The following CASZ1 variants were observed in gnomAD, a reference collection of about 807,000 sequenced individuals.
CASZ1 encodes zinc finger protein castor homolog 1.
In CASZ1, 28 loss-of-function variants were observed where a neutral mutation model predicts 135.2. The ratio of observed to expected loss-of-function variants is 0.21; its 90% confidence interval spans 0.15 to 0.28. CASZ1 has a LOEUF of 0.28. Among genes scored for constraint, CASZ1 ranks in the 10% least tolerant of loss-of-function variants. The probability of loss-of-function intolerance (pLI) is 1.00; values close to 1 mark genes in which losing one functional copy is unlikely to be tolerated. For synonymous variants in CASZ1, 1,068 were observed against 1,073.4 expected, an observed-to-expected ratio of 0.99 and a Z score of 0.10; for missense variants, 2,161 against 2,453.3, an observed-to-expected ratio of 0.88 and a Z score of 2.52.
chr1:10,638,898 G>A lies in CASZ1; in HGVS notation c.*44C>T, dbSNP rs1171114455. ...CTTCGCGCGGGGCGGCGCCGCTCCC[G>A]AGGCCGAGGCCGAGGCCGCCGCCAG... On this transcript the variant is annotated 3_prime_UTR_variant, in exon 21 of 21. Transcript: ENST00000377022. The surrounding 1 kb of genome is among the most constrained non-coding windows in gnomAD (Gnocchi z 5.9). The A allele has an allele frequency of 4.1e-6, 4 of 979,006 alleles. No homozygotes were observed. Among genetic ancestry groups the A allele is most frequent in the Non-Finnish European group, 4.8e-6 (4 of 827,726 alleles). 60.6% of individuals were successfully genotyped at this position (979,006 alleles called of 1,614,324 possible). A position where few individuals can be genotyped will look rare whatever the true frequency, so the allele number is the denominator to read the frequency against.
intron 4 of CASZ1, among the ~76,000 whole-genome samples, chr1:10,673,593 CA>C (rs1261921468): frequency 6.6e-6 from 1 of 152,142 alleles, no homozygotes; most frequent in Admixed American, 6.5e-5. Flanking sequence ...CTAACAAGGG[CA>C]TAAACTTTCA....
intron 11 of CASZ1, chr1:10,652,934 G>A (rs1642642908): frequency 4.5e-6 from 1 of 224,538 alleles, no homozygotes; most frequent in Non-Finnish European, 9.0e-6. Context: ...GAGGTGTCCA[G>A]GTGTGAGGTG....
In CASZ1 at chr1:10,700,716, AATC is replaced by A. The variant is rs1416016033; in HGVS notation, c.-24+4773_-24+4775del. The stretch of plus-strand genomic sequence containing the variant: ...CTCTACCTTCCCAGCATCTTCAGGA[AATC>A]ATCGTTAGTGGAACCCTAGGTCTGC... On this transcript the variant is annotated intron_variant, in intron 3 of 20. Transcript: ENST00000377022. The surrounding 1 kb of genome is among the most constrained non-coding windows in gnomAD (Gnocchi z 4.2). 2.6e-5 allele frequency among the ~76,000 whole-genome samples: 4 copies of A among 152,250 alleles called. No individual in the cohort carries two copies. Among genetic ancestry groups the A allele is most frequent in the South Asian group, 2.1e-4 (1 of 4,824 alleles).
intron 2 of CASZ1, among the ~76,000 whole-genome samples, chr1:10,729,416 C>G (rs906005532): frequency 1.3e-5 from 2 of 152,154 alleles, no homozygotes; most frequent in African/African-American, 2.4e-5. Context: ...ACTCCCCCAC[C>G]CCCTTAGCTA....
At chr1:10,672,721 G>A (rs1643446331) in intron 4 of CASZ1, among the ~76,000 whole-genome samples, 2 of 152,100 alleles carry the variant, frequency 1.3e-5, no homozygotes, top group South Asian at 4.1e-4. Flanking sequence ...CTCAATAGAG[G>A]TCGGCAGCTG....
intron 4 of CASZ1, among the ~76,000 whole-genome samples, chr1:10,682,279 T>TG: frequency 6.7e-6 from 1 of 150,320 alleles, no homozygotes; most frequent in Non-Finnish European, 1.5e-5. Flanking sequence ...TGGAGGGAAG[T>TG]GGGGGGTGCC....
At position 10,650,978 on chromosome 1, in the gene CASZ1, G is replaced by C. The variant is rs754228029; in HGVS notation, c.2779C>G (p.Gln927Glu). The change falls in exon 12 of 21, where the codon CAG becomes GAG. Residue 927 changes from glutamine to glutamate, a missense_variant. By Grantham distance (29) the Gln-to-Glu change is conservative. Transcript: ENST00000377022. ...ACAGTCAGGTCTAGACTGCGGTCCT[G>C]GGAGGCTTCGTGGGGGCCTGGGGCG... ...TGAPGPHEAS[Q>E]DRSLDLTVKE... 7 of 1,582,620 alleles carry C rather than the reference G, an allele frequency of 4.4e-6. No homozygotes were observed. Among genetic ancestry groups the C allele is most frequent in the Non-Finnish European group, 4.3e-6 (5 of 1,172,094 alleles).
rs1374670974 is a variant in CASZ1 at position 10,724,080 on chromosome 1, G to A, written c.-76-18536C>T. Among the ~76,000 whole-genome samples, 1 of 152,174 alleles carries A rather than the reference G, an allele frequency of 6.6e-6. No individual in the cohort carries two copies. The highest frequency in any genetic ancestry group is 2.4e-5 in the African/African-American group (1 of 41,446). On this transcript the variant is annotated intron_variant, in intron 2 of 20. Coordinates refer to ENST00000377022, the MANE Select transcript of CASZ1 (RefSeq NM_001079843.3). The surrounding 1 kb of genome is among the most constrained non-coding windows in gnomAD (Gnocchi z 4.1). ...TTCCAAACCGACCTTGGAGCTCTTT[G>A]ACCACAGCACACTTTGGGAGAAGGT...
chr1:10,750,515 G>A (rs560538692), intron 2 of CASZ1, among the ~76,000 whole-genome samples: 6 of 151,950 alleles, frequency 3.9e-5, no homozygotes, highest in South Asian at 2.1e-4. Context: ...AGCGATTCTC[G>A]CCTCAGCCTT....
rs1241057079 is a variant in CASZ1, at chr1:10,640,673, C to T, written c.4163-614G>A. Among the ~76,000 whole-genome samples, 5 of 152,280 alleles carry T rather than the reference C, an allele frequency of 3.3e-5. No individual in the cohort carries two copies. In the East Asian group the frequency reaches 9.7e-4, roughly 29 times the overall value. The stretch of plus-strand genomic sequence containing the variant: ...AAGGTCTTGTTGGGGTTTTCTACCC[C>T]AAGGGCTGGGAGAGGGCAGCCCTGA... On this transcript the variant is annotated intron_variant, in intron 20 of 20. Transcript: ENST00000377022.
Position 10,647,923 on chromosome 1 carries a change from G to C in CASZ1, c.3375C>G (p.Thr1125=). The change falls in exon 16 of 21, where the codon ACC becomes ACG. Residue 1125 remains threonine, a synonymous_variant. Transcript: ENST00000377022. This position sits in a 1 kb window ranked among gnomAD's most constrained non-coding sequence, Gnocchi z 4.9. The stretch of plus-strand genomic sequence containing the variant: ...CTGGGATCTGAGGCATCTGGGGTAT[G>C]GTGGAAGCCAGCTGCTTCCAGGCGA... ...TLLAWKQLAS[T]IPQMPQIPAS... is the part of the protein sequence containing the mutation. 4 of 1,613,700 alleles carry C rather than the reference G, an allele frequency of 2.5e-6. No individual in the cohort carries two copies. Among genetic ancestry groups the C allele is most frequent in the Non-Finnish European group, 3.4e-6 (4 of 1,179,928 alleles).
intron 5 of CASZ1, 149 bp downstream of exon 5, chr1:10,664,933 TC>T: frequency 3.3e-6 from 3 of 905,550 alleles, no homozygotes; most frequent in Non-Finnish European, 3.0e-6. Context: ...TCCTAGTCTC[TC>T]CCACTCCAGG....
rs570852916 is a variant in CASZ1 at position 10,638,253 on chromosome 1, C to T, written c.*689G>A. The stretch of plus-strand genomic sequence containing the variant: ...CACCACCAGGGTGGCCGAGACCCCG[C>T]CCCGGCCCCCAGCGGGCTACTCTGG... On this transcript the variant is annotated 3_prime_UTR_variant, in exon 21 of 21. Transcript: ENST00000377022. This position sits in a 1 kb window ranked among gnomAD's most constrained non-coding sequence, Gnocchi z 5.9. The T allele has an allele frequency of 5.2e-5, 8 of 152,500 alleles. No individual in the cohort carries two copies. The highest frequency in any genetic ancestry group is 1.9e-4 in the African/African-American group (8 of 41,596). The allele number at this position is 152,500 out of a possible 1,614,324, so 9.4% of individuals were successfully genotyped here.
In CASZ1 at chr1:10,700,111, A is replaced by ACACACACACACCCACC. The variant is rs1212625170; in HGVS notation, c.-24+5380_-24+5381insGGTGGGTGTGTGTGTG. ...CACACACACACACACACACACACAC[A>ACACACACACACCCACC]CACACAGAGTATGAAGCAGGGACCT... On this transcript the variant is annotated intron_variant, in intron 3 of 20. Coordinates refer to ENST00000377022, the MANE Select transcript of CASZ1 (RefSeq NM_001079843.3). This position sits in a 1 kb window ranked among gnomAD's most constrained non-coding sequence, Gnocchi z 4.2. Among the ~76,000 whole-genome samples, 3 of 152,024 alleles carry ACACACACACACCCACC rather than the reference A, an allele frequency of 2.0e-5. No individual in the cohort carries two copies. The highest frequency in any genetic ancestry group is 3.9e-4 in the East Asian group (2 of 5,112).
chr1:10,741,372 G>A lies in CASZ1; in HGVS notation c.-77+19329C>T, dbSNP rs1380351701. ...GCCTGGAAAAGAGCCACCAGCAGTT[G>A]TCCTGGGGGTGGGGGCGGCAGGGCA... On this transcript the variant is annotated intron_variant, in intron 2 of 20. Coordinates refer to ENST00000377022, the MANE Select transcript of CASZ1 (RefSeq NM_001079843.3). The surrounding 1 kb of genome is among the most constrained non-coding windows in gnomAD (Gnocchi z 5.0). Among the ~76,000 whole-genome samples, 33 of 152,200 alleles carry A rather than the reference G, an allele frequency of 2.2e-4. No individual in the cohort carries two copies. Among genetic ancestry groups the A allele is most frequent in the Admixed American group, 2.2e-3 (33 of 15,280 alleles).
Position 10,739,509 on chromosome 1 carries a change from G to T in CASZ1, c.-77+21192C>A, listed in dbSNP as rs1639872536. Among the ~76,000 whole-genome samples the T allele has an allele frequency of 6.6e-6, 1 of 152,254 alleles. No homozygotes were observed. The highest frequency in any genetic ancestry group is 2.1e-4 in the South Asian group (1 of 4,826). ...ATTAAGCTCAGCTGCGCCCACTCAGGCTTCCAGACCTTTCCCTGAGCCCTC... is the reference window on the plus strand; with the variant it reads ...ATTAAGCTCAGCTGCGCCCACTCAGTCTTCCAGACCTTTCCCTGAGCCCTC... On this transcript the variant is annotated intron_variant, in intron 2 of 20. Coordinates refer to ENST00000377022, the MANE Select transcript of CASZ1 (RefSeq NM_001079843.3). The surrounding 1 kb of genome is among the most constrained non-coding windows in gnomAD (Gnocchi z 4.8).
chr1:10,660,044 T>A lies in CASZ1; in HGVS notation c.998A>T (p.Tyr333Phe). 1 of 1,614,148 alleles carries A rather than the reference T, an allele frequency of 6.2e-7. No individual in the cohort carries two copies. The highest frequency in any genetic ancestry group is 8.5e-7 in the Non-Finnish European group (1 of 1,180,004). Reference protein sequence around the residue: ...ENLRPQNGSTYKKPSKYDLEN... With the variant: ...ENLRPQNGSTFKKPSKYDLEN... ...CAGGTCGTACTTGGATGGCTTCTTG[T>A]AGGTGCTCCCGTTCTGGGGCCGCAG... Residue 333 changes from tyrosine (Y) to phenylalanine (F), a missense_variant, in exon 6 of 21, where the codon TAC becomes TTC. By Grantham distance (22) the Tyr-to-Phe change is conservative (BLOSUM62 3). This residue lies in a region of CASZ1 where 590 missense variants were observed against 609.8 expected (regional missense o/e 0.97). Coordinates refer to ENST00000377022, the MANE Select transcript of CASZ1 (RefSeq NM_001079843.3).
Position 10,645,080 on chromosome 1 carries a change from C to T in CASZ1, c.3705G>A (p.Glu1235=). ...AGTGGTAGTGCCCACGCATTCGGAA[C>T]TCGCAGTGCTGCAGGGAGACACGGG... ...LQCLCPNQHC[E]FRMRGHYHCL... is the part of the protein sequence containing the mutation. Residue 1235 remains glutamate, a synonymous_variant, in exon 18 of 21, where the codon GAG becomes GAA. Transcript: ENST00000377022. The T allele has an allele frequency of 6.2e-7, 1 of 1,613,622 alleles. No individual in the cohort carries two copies. Among genetic ancestry groups the T allele is most frequent in the African/African-American group, 1.3e-5 (1 of 75,066 alleles).
chr1:10,770,723 C>T (rs967493153), intron 1 of CASZ1, among the ~76,000 whole-genome samples: 4 of 152,196 alleles, frequency 2.6e-5, no homozygotes, highest in African/African-American at 9.7e-5. Flanking sequence ...CTCCCAGCCC[C>T]ACCCCATCAG....
Sources: gnomAD v4.1 joint callset for allele counts (sites outside exome capture counted in the v4.1 genomes callset) on GRCh38, gnomAD v4.1.1 for gene constraint, gnomAD v4.1.1 regional missense constraint, Gnocchi (gnomAD v3.1) non-coding constraint, MANE v1.5 for transcripts, NCBI Gene and HGNC (gene_info 2026-07-23, HGNC 2026-07-21) for gene names.